Variants in DPYSL3 observed in about 807,000 individuals in gnomAD.
DPYSL3 encodes dihydropyrimidinase like 3, also known as dihydropyrimidinase-related protein 3.
Under a neutral mutation model 66.1 loss-of-function variants are expected in DPYSL3, and 16 were observed. The ratio of observed to expected loss-of-function variants is 0.24; its 90% CI spans 0.16 to 0.37. The LOEUF (loss-of-function observed/expected upper bound fraction) is 0.37, where lower values mean the gene tolerates loss of function less well. DPYSL3 is among the 10% of genes least tolerant of loss of function. DPYSL3 has a pLI of 1.00. For missense variants in DPYSL3, 738 were observed against 916.2 expected (o/e 0.81, Z 2.51); for synonymous variants, 338 against 345.1 (o/e 0.98, Z 0.23).
Position 147,509,549 on chromosome 5 carries a change from C to T in DPYSL3, c.310G>A (p.Ala104Thr), listed in dbSNP as rs1037407215. 25 of 1,534,662 alleles carry T rather than the reference C, an allele frequency of 1.6e-5. No individual in the cohort carries two copies. The highest frequency in any genetic ancestry group is 1.9e-5 in the Non-Finnish European group (22 of 1,146,358). ...CTCCGGATCTCTACCCCGGCGGGGG[C>T]GGGGGAGGCGGGCGCGGGCTCCCTG... ...ESREPAPASP[A>T]PAGVEIRSAT... Residue 104 changes from alanine (A) to threonine (T), a missense_variant, in exon 1 of 14, where the codon GCC (alanine) becomes ACC (threonine). By Grantham distance (58) the Ala-to-Thr change is moderately conservative. Transcript: ENST00000343218. The surrounding 1 kb of genome is among the most constrained non-coding windows in gnomAD (Gnocchi z 5.3).
intron 6 of DPYSL3, 82 bp downstream of exon 6, chr5:147,412,525 GA>G: frequency 7.3e-7 from 1 of 1,369,812 alleles, no homozygotes; most frequent in Non-Finnish European, 1.0e-6. Flanking sequence ...TGCACATATT[GA>G]GAGCTCAAGC....
At chr5:147,496,652 C>T (rs982258021) in intron 1 of DPYSL3, among the ~76,000 whole-genome samples, 2 of 152,094 alleles carry the variant, frequency 1.3e-5, no homozygotes, top group African/African-American at 4.8e-5. Context: ...TGAAAAAATG[C>T]TCATCATCAC....
At chr5:147,427,238 T>C (rs1752214705) in intron 1 of DPYSL3, among the ~76,000 whole-genome samples, 1 of 152,214 alleles carries the variant, frequency 6.6e-6, no homozygotes, top group Non-Finnish European at 1.5e-5. Flanking sequence ...TGCAAGTTAG[T>C]TGGAAAAATA....
At chr5:147,502,507 T>C (rs1753626580) in intron 1 of DPYSL3, among the ~76,000 whole-genome samples, 1 of 151,866 alleles carries the variant, frequency 6.6e-6, no homozygotes, top group East Asian at 1.9e-4. Flanking sequence ...ATCTCTTTGG[T>C]ACATCTTAAT....
intron 12 of DPYSL3, 139 bp downstream of exon 12, chr5:147,397,527 T>C: frequency 1.1e-6 from 1 of 942,960 alleles, no homozygotes; most frequent in Non-Finnish European, 1.5e-6. Flanking sequence ...TCTGTGTAGT[T>C]GTTCTTGGGG....
At chr5:147,433,805 G>A (rs555141089) in intron 1 of DPYSL3, among the ~76,000 whole-genome samples, 212 of 152,246 alleles carry the variant, frequency 1.4e-3, no homozygotes, top group East Asian at 1.9e-3. Flanking sequence ...CGGCCAAGGC[G>A]GGCGGATCAC....
At chr5:147,458,829 G>A (rs1302630252) in intron 1 of DPYSL3, among the ~76,000 whole-genome samples, 1 of 152,114 alleles carries the variant, frequency 6.6e-6, no homozygotes, top group African/African-American at 2.4e-5. Flanking sequence ...GATGAAGCAA[G>A]GGATCTAAGC....
At chr5:147,453,685 G>C in intron 1 of DPYSL3, 1 of 1,421,084 alleles carries the variant, frequency 7.0e-7, no homozygotes, top group Non-Finnish European at 9.3e-7. Flanking sequence ...AGATCAGGTG[G>C]AGTGAATGGT....
chr5:147,441,498 C>G (rs981895290), intron 1 of DPYSL3, among the ~76,000 whole-genome samples: 3 of 152,120 alleles, frequency 2.0e-5, no homozygotes, highest in African/African-American at 7.2e-5. Flanking sequence ...CCAATACAGT[C>G]ATGTTGTAAG....
Position 147,457,177 on chromosome 5 carries a change from A to C in DPYSL3, c.382-32214T>G, listed in dbSNP as rs184213137. Among the ~76,000 whole-genome samples the C allele has an allele frequency of 4.7e-4, 71 of 152,316 alleles. 2 individuals carry two copies. In the East Asian group the frequency reaches 8.1e-3, roughly 17 times the overall value. On this transcript the variant is annotated intron_variant, in intron 1 of 13. Coordinates refer to ENST00000343218, the MANE Select transcript of DPYSL3 (RefSeq NM_001197294.2). Reference sequence around the variant, plus strand: ...ATGGAGTTTACTTCGTATTCTTCTTATTATATAATAATAACGCATATCCTT... The same window carrying C: ...ATGGAGTTTACTTCGTATTCTTCTTCTTATATAATAATAACGCATATCCTT...
intron 6 of DPYSL3, among the ~76,000 whole-genome samples, chr5:147,411,478 G>A (rs777733867): frequency 3.9e-5 from 6 of 152,132 alleles, no homozygotes; most frequent in Non-Finnish European, 7.4e-5. Context: ...CAAAGATTTC[G>A]TTTTCCTAGT....
intron 1 of DPYSL3, among the ~76,000 whole-genome samples, chr5:147,486,458 T>C (rs1753330331): frequency 6.6e-6 from 1 of 152,200 alleles, no homozygotes; most frequent in South Asian, 2.1e-4. Context: ...AATCTTGAAA[T>C]TGCTTCTAGC....
intron 2 of DPYSL3, among the ~76,000 whole-genome samples, chr5:147,421,079 C>T (rs1321250305): frequency 6.6e-6 from 1 of 152,196 alleles, no homozygotes; most frequent in Non-Finnish European, 1.5e-5. Context: ...CAAATAGTCT[C>T]TGTTTGCAGA....
At chr5:147,489,049 A>G (rs1472688871) in intron 1 of DPYSL3, among the ~76,000 whole-genome samples, 2 of 151,848 alleles carry the variant, frequency 1.3e-5, no homozygotes, top group Admixed American at 6.6e-5. Flanking sequence ...GAAAAAATAT[A>G]TCATTAGGCA....
chr5:147,490,640 G>A (rs1015736658), intron 1 of DPYSL3, among the ~76,000 whole-genome samples: 4 of 152,090 alleles, frequency 2.6e-5, no homozygotes, highest in African/African-American at 4.8e-5. Context: ...AAAATCAATA[G>A]CTTTTCTTAG....
Position 147,509,507 on chromosome 5 carries a change from C to T in DPYSL3, c.352G>A (p.Val118Met). 3 of 1,532,308 alleles carry T rather than the reference C, an allele frequency of 2.0e-6. No homozygotes were observed. Among genetic ancestry groups the T allele is most frequent in the Non-Finnish European group, 2.6e-6 (3 of 1,145,116 alleles). The allele number at this position is 1,532,308 out of a possible 1,614,324, so 94.9% of individuals were successfully genotyped here. ...VEIRSATGKE[V>M]LQNLGPKDKS... ...TCCTTGGGGCCGAGGTTCTGCAACA[C>T]CTCTTTGCCGGTGGCGCTCCGGATC... is the stretch of plus-strand genomic sequence containing the variant. The change falls in exon 1 of 14, where the codon GTG becomes ATG. Residue 118 changes from valine (V) to methionine (M), a missense_variant. Transcript: ENST00000343218. The surrounding 1 kb of genome is among the most constrained non-coding windows in gnomAD (Gnocchi z 5.3).
At chr5:147,395,355 T>C (rs890876239) in intron 13 of DPYSL3, among the ~76,000 whole-genome samples, 4 of 152,190 alleles carry the variant, frequency 2.6e-5, no homozygotes, top group Non-Finnish European at 4.4e-5. Flanking sequence ...TCGGCCTGAC[T>C]GCCTTGTCTT....
At chr5:147,413,464 G>T in intron 5 of DPYSL3, 132 bp downstream of exon 5, 3 of 691,774 alleles carry the variant, frequency 4.3e-6, no homozygotes, top group East Asian at 2.7e-5. Context: ...GACTGCAAAG[G>T]CTTCAAGAAG....
chr5:147,439,615 G>A (rs779293008), intron 1 of DPYSL3, among the ~76,000 whole-genome samples: 4 of 152,150 alleles, frequency 2.6e-5, no homozygotes, highest in Admixed American at 1.3e-4. Context: ...GGACCACCTG[G>A]TTATCATGAA....
Sources: allele counts gnomAD v4.1 joint callset (sites outside exome capture counted in the v4.1 genomes callset), GRCh38; gene constraint gnomAD v4.1.1; non-coding constraint Gnocchi (gnomAD v3.1); transcripts MANE v1.5; gene names NCBI Gene and HGNC (gene_info 2026-07-23, HGNC 2026-07-21).